Variants in GJA3 observed in about 807,000 individuals in gnomAD.
GJA3 encodes the protein gap junction protein alpha 3.
For synonymous variants in GJA3, 297 were observed against 292.6 expected, an observed-to-expected ratio of 1.02 and a Z score of -0.15; for missense variants, 571 against 620.3, an observed-to-expected ratio of 0.92 and a Z score of 0.84.
chr13:20,143,447 C>T (rs1035932566), intron 1 of GJA3, 142 bp from the exon 2 acceptor site: 45 of 567,836 alleles, frequency 7.9e-5, no homozygotes, highest in Non-Finnish European at 6.1e-6. Flanking sequence ...CGCAGCTCCC[C>T]AGGACCTGGA....
Position 20,142,553 on chromosome 13 carries a change from G to A in GJA3, c.736C>T (p.Pro246Ser), listed in dbSNP as rs1958816864. 2 of 1,575,342 alleles carry A rather than the reference G, an allele frequency of 1.3e-6. No individual in the cohort carries two copies. The highest frequency in any genetic ancestry group is 2.7e-5 in the African/African-American group (2 of 73,984). Residue 246 changes from proline (P) to serine (S), a missense_variant, in exon 2 of 2, where the codon CCG becomes TCG. Coordinates refer to ENST00000241125, the MANE Select transcript of GJA3 (RefSeq NM_021954.4). ...GGCGGGGGATCGGCTGTCCCCAGCGGGGCCTCGGAGGCGTCCGGGCCGAGG... is the reference window on the plus strand; with the variant it reads ...GGCGGGGGATCGGCTGTCCCCAGCGAGGCCTCGGAGGCGTCCGGGCCGAGG... Reference protein sequence around the residue: ...SRLGPDASEAPLGTADPPPLP... With the variant: ...SRLGPDASEASLGTADPPPLP...
intron 1 of GJA3, among the ~76,000 whole-genome samples, chr13:20,156,306 A>T (rs995378943): frequency 6.6e-6 from 1 of 151,290 alleles, no homozygotes; most frequent in Admixed American, 6.6e-5. Context: ...AGGGCATTTT[A>T]TTTTATTTTA....
At chr13:20,157,924 C>T (rs1482677930) in intron 1 of GJA3, among the ~76,000 whole-genome samples, 1 of 150,904 alleles carries the variant, frequency 6.6e-6, no homozygotes, top group Non-Finnish European at 1.5e-5. Context: ...GCCTCAATCT[C>T]TTGGGCTCAA....
Position 20,142,281 on chromosome 13 carries a change from C to T in GJA3, c.1008G>A (p.Gln336=). ...CCGGGTAAGCCTTGAGCGCCGGGGG[C>T]TGCCGCTCGGCCGCCTGGTTGGCCC... is the stretch of plus-strand genomic sequence containing the variant. ...QNWANQAAER[Q]PPALKAYPAA... is the part of the protein sequence containing the mutation. The change falls in exon 2 of 2, where the codon CAG becomes CAA. Residue 336 remains glutamine (Q), a synonymous_variant. Coordinates refer to ENST00000241125, the MANE Select transcript of GJA3 (RefSeq NM_021954.4). 6.4e-7 allele frequency: 1 copy of T among 1,567,930 alleles called. No individual in the cohort carries two copies. Among genetic ancestry groups the T allele is most frequent in the Non-Finnish European group, 8.6e-7 (1 of 1,159,560 alleles).
In GJA3 at chr13:20,142,610, A is replaced by T. The variant is rs1429678265; in HGVS notation, c.679T>A (p.Trp227Arg). ...GTCACGCCCTGCTTGAGCTTCTTCC[A>T]GCCCAGGTGGTAGATCTCCAGCATG... ...LNMLEIYHLGWKKLKQGVTSR... is the reference protein window; with the variant it reads ...LNMLEIYHLGRKKLKQGVTSR... Residue 227 changes from tryptophan (W) to arginine (R), a missense_variant, in exon 2 of 2, where the codon TGG becomes AGG. Transcript: ENST00000241125. 6.2e-7 allele frequency: 1 copy of T among 1,612,844 alleles called. No homozygotes were observed. The highest frequency in any genetic ancestry group is 2.2e-5 in the East Asian group (1 of 44,834).
At chr13:20,144,676 G>A (rs1958832001) in intron 1 of GJA3, among the ~76,000 whole-genome samples, 1 of 152,214 alleles carries the variant, frequency 6.6e-6, no homozygotes, top group South Asian at 2.1e-4. Flanking sequence ...GATGGAGGGA[G>A]GTGAGACTGC....
At position 20,142,426 on chromosome 13, in the gene GJA3, G is replaced by T. The variant is rs1317171542; in HGVS notation, c.863C>A (p.Pro288His). ...PLGQARAVGY[P>H]GAPPPAADFK... ...GTCCGCGGCTGGTGGCGGGGCCCCG[G>T]GGTAGCCCACGGCGCGGGCCTGTCC... The change falls in exon 2 of 2, where the codon CCC becomes CAC. Residue 288 changes from proline (P) to histidine (H), a missense_variant. Coordinates refer to ENST00000241125, the MANE Select transcript of GJA3 (RefSeq NM_021954.4). 12 of 1,502,890 alleles carry T rather than the reference G, an allele frequency of 8.0e-6. No individual in the cohort carries two copies. In the East Asian group the frequency reaches 1.5e-4, roughly 19 times the overall value. 93.1% of individuals were successfully genotyped at this position (1,502,890 alleles called of 1,614,324 possible). A position where few individuals can be genotyped will look rare whatever the true frequency, so the allele number is the denominator to read the frequency against.
intron 1 of GJA3, among the ~76,000 whole-genome samples, chr13:20,159,109 T>C (rs138260681): frequency 1.8e-3 from 279 of 152,106 alleles, no homozygotes; most frequent in African/African-American, 6.2e-3. Flanking sequence ...TATGCTGTTG[T>C]CACATATATT....
chr13:20,142,871 G>T lies in GJA3; in HGVS notation c.418C>A (p.Arg140Ser). ...PSSRDDRGRV[R>S]MAGALLRTYV... Reference sequence around the variant, plus strand: ...GTCCGCAGCAGCGCCCCGGCCATGCGCACCCTGCCGCGGTCGTCCCGCGAC... The same window carrying T: ...GTCCGCAGCAGCGCCCCGGCCATGCTCACCCTGCCGCGGTCGTCCCGCGAC... The change falls in exon 2 of 2, where the codon CGC (arginine) becomes AGC (serine). Residue 140 changes from arginine to serine, a missense_variant. Arg to Ser is a moderately radical substitution (Grantham distance 110). Coordinates refer to ENST00000241125, the MANE Select transcript of GJA3 (RefSeq NM_021954.4). 6.2e-7 allele frequency: 1 copy of T among 1,607,748 alleles called. No individual in the cohort carries two copies. The highest frequency in any genetic ancestry group is 8.5e-7 in the Non-Finnish European group (1 of 1,177,100).
chr13:20,160,585 G>C (rs189824294), intron 1 of GJA3, among the ~76,000 whole-genome samples: 143 of 152,344 alleles, frequency 9.4e-4, no homozygotes, highest in Admixed American at 2.4e-3. Context: ...ACTCGGCCTT[G>C]GACTGTCCAT....
chr13:20,149,701 A>G (rs1958865576), intron 1 of GJA3, among the ~76,000 whole-genome samples: 3 of 152,170 alleles, frequency 2.0e-5, no homozygotes, highest in African/African-American at 4.8e-5. Context: ...AAGAGGTGGG[A>G]GAAGGGAATG....
chr13:20,145,816 C>T (rs1483556881), intron 1 of GJA3, among the ~76,000 whole-genome samples: 1 of 152,208 alleles, frequency 6.6e-6, no homozygotes, highest in Non-Finnish European at 1.5e-5. Flanking sequence ...GTTCTCTCTC[C>T]CCCTTGCCAT....
chr13:20,148,490 C>T (rs1309099271), intron 1 of GJA3, among the ~76,000 whole-genome samples: 1 of 152,110 alleles, frequency 6.6e-6, no homozygotes, highest in East Asian at 1.9e-4. Flanking sequence ...AACTCCTGGC[C>T]TCAAGTGATC....
chr13:20,157,006 T>C (rs1352658895), intron 1 of GJA3, among the ~76,000 whole-genome samples: 1 of 152,212 alleles, frequency 6.6e-6, no homozygotes. Context: ...GCATTGTAAG[T>C]TTTAATAACT....
rs1033585708 is a variant in GJA3 at position 20,141,933 on chromosome 13, C to A, written c.*48G>T. ...GGGAAGTGCACTTTGGTTTTGGTTT[C>A]TAAGAAAAAGATCACTACACAGCTG... On this transcript the variant is annotated 3_prime_UTR_variant, in exon 2 of 2. Coordinates refer to ENST00000241125, the MANE Select transcript of GJA3 (RefSeq NM_021954.4). 2.6e-6 allele frequency: 4 copies of A among 1,540,202 alleles called. No individual in the cohort carries two copies. The highest frequency in any genetic ancestry group is 3.5e-6 in the Non-Finnish European group (4 of 1,139,210).
chr13:20,148,253 C>CTTTTTTTTTTTTTTTTTTTTTT (rs71074204), intron 1 of GJA3, among the ~76,000 whole-genome samples: 1 of 90,726 alleles, frequency 1.1e-5, no homozygotes, highest in Non-Finnish European at 2.2e-5. Flanking sequence ...TACTATGGTT[C>CTTTTTTTTTTTTTTTTTTTTTT]TTTTTTTTTT....
chr13:20,151,800 G>A (rs551474756), intron 1 of GJA3, among the ~76,000 whole-genome samples: 30 of 152,260 alleles, frequency 2.0e-4, no homozygotes, highest in Non-Finnish European at 3.4e-4. Flanking sequence ...GTACTGGAGG[G>A]ATGGAACAGA....
chr13:20,147,282 T>C (rs1365777211), intron 1 of GJA3, among the ~76,000 whole-genome samples: 2 of 152,182 alleles, frequency 1.3e-5, no homozygotes, highest in African/African-American at 4.8e-5. Flanking sequence ...ACTTCCAGAT[T>C]TCTTATGTGA....
Position 20,142,962 on chromosome 13 carries a change from CCTCT to C in GJA3, c.323_326del (p.Glu108GlyfsTer7). On this transcript the variant is annotated frameshift_variant, in exon 2 of 2. Transcript: ENST00000241125. LOFTEE classifies it low-confidence loss of function (END_TRUNC). The stretch of plus-strand genomic sequence containing the variant: ...CTCTCTTCAGCTGCTCCTCCTCCTC[CCTCT>C]CTTTCTTCTTCTCTTCCATGCGCAC... The C allele has an allele frequency of 5.1e-6, 8 of 1,581,806 alleles. No individual in the cohort carries two copies. The highest frequency in any genetic ancestry group is 1.7e-4 in the Middle Eastern group (1 of 6,026).
Sources: allele counts gnomAD v4.1 joint callset (sites outside exome capture counted in the v4.1 genomes callset), GRCh38; gene constraint gnomAD v4.1.1; transcripts MANE v1.5; gene names NCBI Gene and HGNC (gene_info 2026-07-23, HGNC 2026-07-21).